Variants in DTWD2 observed in about 807,000 individuals in gnomAD.
DTWD2 encodes the protein tRNA-uridine aminocarboxypropyltransferase 2.
Under a neutral mutation model 31.8 loss-of-function variants are expected in DTWD2, and 39 were observed. That is an observed-to-expected ratio of 1.22 (90% CI 0.95 to 1.60). The LOEUF (loss-of-function observed/expected upper bound fraction) is 1.60, where lower values mean the gene tolerates loss of function less well. Ranked by LOEUF, DTWD2 falls within the 40% of genes most tolerant of loss-of-function variation. DTWD2 has a pLI of 0.00. For missense variants in DTWD2, 515 were observed against 381.5 expected (o/e 1.35, Z -2.92); for synonymous variants, 180 against 142.8 (o/e 1.26, Z -1.86).
chr5:118,872,343 G>C (rs1243994144), intron 4 of DTWD2, among the ~76,000 whole-genome samples: 1 of 152,128 alleles, frequency 6.6e-6, no homozygotes, highest in Non-Finnish European at 1.5e-5. Context: ...CTTGGTACAA[G>C]AGGCCTAGTT....
At chr5:118,915,769 G>A (rs1753562485) in intron 4 of DTWD2, among the ~76,000 whole-genome samples, 1 of 152,178 alleles carries the variant, frequency 6.6e-6, no homozygotes, top group South Asian at 2.1e-4. Flanking sequence ...TTCCATCTAG[G>A]TGTGTGAGTA....
chr5:118,921,878 T>A (rs557005830), intron 4 of DTWD2, among the ~76,000 whole-genome samples: 1 of 152,190 alleles, frequency 6.6e-6, no homozygotes, highest in African/African-American at 2.4e-5. Flanking sequence ...AGATCAGATA[T>A]ATAACATAAA....
At chr5:118,863,801 G>C (rs1314991640) in intron 4 of DTWD2, among the ~76,000 whole-genome samples, 1 of 152,022 alleles carries the variant, frequency 6.6e-6, no homozygotes, top group Non-Finnish European at 1.5e-5. Flanking sequence ...CATTTAATTA[G>C]TTTCCAAGTA....
chr5:118,860,073 A>G (rs887617127), intron 4 of DTWD2, among the ~76,000 whole-genome samples: 2 of 152,034 alleles, frequency 1.3e-5, no homozygotes, highest in African/African-American at 2.4e-5. Flanking sequence ...AGCCATGATC[A>G]TTCCACTGTA....
chr5:118,909,369 T>C (rs1753408641), intron 4 of DTWD2, among the ~76,000 whole-genome samples: 1 of 152,204 alleles, frequency 6.6e-6, no homozygotes, highest in African/African-American at 2.4e-5. Context: ...AGGCCTGCTT[T>C]GCAGAGGACT....
intron 1 of DTWD2, among the ~76,000 whole-genome samples, chr5:118,979,406 T>C (rs1378925709): frequency 6.6e-6 from 1 of 152,280 alleles, no homozygotes; most frequent in East Asian, 1.9e-4. Context: ...ATACTATTGG[T>C]GGAAGTGTAA....
chr5:118,854,045 T>C (rs992322215), intron 4 of DTWD2, among the ~76,000 whole-genome samples: 2 of 152,216 alleles, frequency 1.3e-5, no homozygotes, highest in African/African-American at 4.8e-5. Flanking sequence ...CAAGTATTAT[T>C]AGTCATAATT....
intron 4 of DTWD2, among the ~76,000 whole-genome samples, chr5:118,901,221 A>C (rs1753204583): frequency 6.6e-6 from 1 of 152,114 alleles, no homozygotes; most frequent in Admixed American, 6.5e-5. Flanking sequence ...ACACCCTATG[A>C]CTTCCCTTTA....
At chr5:118,857,022 CCACCT>C (rs1001314573) in intron 4 of DTWD2, among the ~76,000 whole-genome samples, 6 of 151,862 alleles carry the variant, frequency 4.0e-5, no homozygotes, top group Admixed American at 3.9e-4. Flanking sequence ...GGTGATCTGC[CCACCT>C]CAGCCTCCCA....
intron 1 of DTWD2, among the ~76,000 whole-genome samples, chr5:118,981,211 G>C (rs927675265): frequency 6.6e-6 from 1 of 152,162 alleles, no homozygotes; most frequent in Non-Finnish European, 1.5e-5. Flanking sequence ...GGAAATTACA[G>C]TGTAATGGAC....
At chr5:118,988,166 G>C in intron 1 of DTWD2, 128 bp downstream of exon 1, 1 of 1,174,284 alleles carries the variant, frequency 8.5e-7, no homozygotes, top group South Asian at 1.3e-5. Context: ...GATTTCCAAC[G>C]TGCACCCGCC....
Position 118,988,545 on chromosome 5 carries a change from C to A in DTWD2, c.-34G>T. The A allele has an allele frequency of 6.8e-7, 1 of 1,475,268 alleles. No homozygotes were observed. Among genetic ancestry groups the A allele is most frequent in the Non-Finnish European group, 9.0e-7 (1 of 1,116,152 alleles). 91.4% of individuals were successfully genotyped at this position (1,475,268 alleles called of 1,614,324 possible). A position where few individuals can be genotyped will look rare whatever the true frequency, so the allele number is the denominator to read the frequency against. Reference sequence around the variant, plus strand: ...CTCCGGTCAGGCCGTGGCATTGAAGCCCGGCTGCCGCCGGGGGGCGCCACG... The same window carrying A: ...CTCCGGTCAGGCCGTGGCATTGAAGACCGGCTGCCGCCGGGGGGCGCCACG... On this transcript the variant is annotated 5_prime_UTR_variant, in exon 1 of 6. Transcript: ENST00000510708.
chr5:118,932,043 C>G (rs1753935295), intron 3 of DTWD2, among the ~76,000 whole-genome samples: 1 of 152,004 alleles, frequency 6.6e-6, no homozygotes, highest in Non-Finnish European at 1.5e-5. Flanking sequence ...AATGAAAATA[C>G]AACTTATCAA....
chr5:118,916,696 G>C (rs1322667093), intron 4 of DTWD2, among the ~76,000 whole-genome samples: 2 of 148,742 alleles, frequency 1.3e-5, no homozygotes, highest in African/African-American at 2.5e-5. Flanking sequence ...TTAAAAGAAA[G>C]TAAATCTAAT....
At chr5:118,980,269 A>G (rs1755269800) in intron 1 of DTWD2, among the ~76,000 whole-genome samples, 1 of 152,234 alleles carries the variant, frequency 6.6e-6, no homozygotes, top group Non-Finnish European at 1.5e-5. Flanking sequence ...TCCTTCAGCC[A>G]GGACGCAAAC....
In DTWD2 at chr5:118,851,151, A is replaced by C. The variant is rs562080613; in HGVS notation, c.598-2933T>G. 2.2e-4 allele frequency among the ~76,000 whole-genome samples: 33 copies of C among 150,564 alleles called. 1 individual carries two copies. The highest frequency in any genetic ancestry group is 8.0e-4 in the African/African-American group (33 of 41,126). ...GGAGAATCACTTGAACCTGAGAGGC[A>C]GAGATTACAGTGAGCCAAGATCATG... is the stretch of plus-strand genomic sequence containing the variant. On this transcript the variant is annotated intron_variant, in intron 4 of 5. Coordinates refer to ENST00000510708, the MANE Select transcript of DTWD2 (RefSeq NM_173666.4).
At chr5:118,979,721 C>T (rs942165276) in intron 1 of DTWD2, among the ~76,000 whole-genome samples, 4 of 152,240 alleles carry the variant, frequency 2.6e-5, no homozygotes, top group African/African-American at 9.6e-5. Flanking sequence ...AAGCTGGATA[C>T]TTTATCCTCA....
chr5:118,939,182 AAC>A lies in DTWD2; in HGVS notation c.404+12_404+13del. The A allele has an allele frequency of 6.3e-7, 1 of 1,594,404 alleles. No individual in the cohort carries two copies. Among genetic ancestry groups the A allele is most frequent in the East Asian group, 2.3e-5 (1 of 44,164 alleles). The stretch of plus-strand genomic sequence containing the variant: ...AGAAAAGAATTATTTACATTGCCCT[AAC>A]AGTTAATTTACCTTTCTTCACTGAA... On this transcript the variant is annotated intron_variant, in intron 3 of 5. Transcript: ENST00000510708.
intron 2 of DTWD2, among the ~76,000 whole-genome samples, chr5:118,943,000 C>T (rs944446363): frequency 2.6e-5 from 4 of 152,022 alleles, no homozygotes; most frequent in African/African-American, 9.7e-5. Context: ...GATGGGGTCT[C>T]GCTATGTTGC....
Sources: gnomAD v4.1 joint callset for allele counts (sites outside exome capture counted in the v4.1 genomes callset) on GRCh38, gnomAD v4.1.1 for gene constraint, MANE v1.5 for transcripts, NCBI Gene and HGNC (gene_info 2026-07-23, HGNC 2026-07-21) for gene names.